NRXN3: variants seen among roughly 807,000 people sequenced by gnomAD.
NRXN3 encodes neurexin 3, also known as neurexin III.
In NRXN3, 32 loss-of-function variants were observed where a neutral mutation model predicts 137.6. That is an observed-to-expected ratio of 0.23 (90% CI 0.18 to 0.31). The LOEUF is 0.31. Ranked by LOEUF, NRXN3 falls within the 10% of genes least tolerant of loss-of-function variation. The probability of loss-of-function intolerance (pLI) is 1.00; values close to 1 mark genes in which losing one functional copy is unlikely to be tolerated. For missense variants in NRXN3, 1,574 were observed against 2,062.5 expected, an observed-to-expected ratio of 0.76 and a Z score of 4.59; for synonymous variants, 798 against 784.5, an observed-to-expected ratio of 1.02 and a Z score of -0.29.
At chr14:79,367,321 T>C (rs962468599) in intron 15 of NRXN3, among the ~76,000 whole-genome samples, 5 of 152,228 alleles carry the variant, frequency 3.3e-5, no homozygotes, top group Non-Finnish European at 5.9e-5. Context: ...TGTTTACGGA[T>C]TGACAACCAT....
intron 15 of NRXN3, among the ~76,000 whole-genome samples, chr14:79,124,780 G>T (rs2056102427): frequency 6.6e-6 from 1 of 152,098 alleles, no homozygotes; most frequent in African/African-American, 2.4e-5. Flanking sequence ...AGACTGCAGG[G>T]TATTAATCAA....
At chr14:78,843,021 C>A (rs564215928) in intron 10 of NRXN3, among the ~76,000 whole-genome samples, 50 of 152,034 alleles carry the variant, frequency 3.3e-4, no homozygotes, top group African/African-American at 1.1e-3. Context: ...GGTCCTGAGG[C>A]GACATACATC....
intron 6 of NRXN3, among the ~76,000 whole-genome samples, chr14:78,679,318 G>A (rs1401886713): frequency 6.6e-6 from 1 of 152,074 alleles, no homozygotes; most frequent in Non-Finnish European, 1.5e-5. Context: ...AGTCTTTGTG[G>A]ACCATATGGT....
chr14:79,357,186 A>G (rs920633727), intron 15 of NRXN3, among the ~76,000 whole-genome samples: 7 of 152,120 alleles, frequency 4.6e-5, no homozygotes, highest in Non-Finnish European at 7.3e-5. Flanking sequence ...GTATGAAGTA[A>G]TACAAGAGAC....
chr14:78,547,355 G>A (rs2096646358), intron 4 of NRXN3, among the ~76,000 whole-genome samples: 1 of 151,796 alleles, frequency 6.6e-6, no homozygotes, highest in Non-Finnish European at 1.5e-5. Flanking sequence ...ACAGGCGCCC[G>A]CTACCACATT....
intron 16 of NRXN3, among the ~76,000 whole-genome samples, chr14:79,549,142 A>G (rs1317197770): frequency 6.6e-6 from 1 of 152,102 alleles, no homozygotes; most frequent in Non-Finnish European, 1.5e-5. Context: ...TGGGTCATTT[A>G]TCTGTGAGCT....
intron 4 of NRXN3, among the ~76,000 whole-genome samples, chr14:78,558,837 C>T (rs1304170954): frequency 6.6e-6 from 1 of 152,198 alleles, no homozygotes; most frequent in Admixed American, 6.5e-5. Flanking sequence ...TTTGTACTGG[C>T]ACTGTGCTAA....
chr14:79,569,281 T>A (rs566783234), intron 16 of NRXN3, among the ~76,000 whole-genome samples: 6 of 152,072 alleles, frequency 3.9e-5, no homozygotes, highest in Non-Finnish European at 7.4e-5. Flanking sequence ...AGGCTGAGTG[T>A]CTTTGTGGCT....
intron 8 of NRXN3, among the ~76,000 whole-genome samples, chr14:78,778,859 C>CTCAT (rs1476951397): frequency 9.8e-5 from 14 of 142,664 alleles, no homozygotes; most frequent in Non-Finnish European, 2.1e-4. Flanking sequence ...CTTATTTTCT[C>CTCAT]TCATTCAAGC....
At chr14:79,237,675 A>T (rs2073629745) in intron 15 of NRXN3, among the ~76,000 whole-genome samples, 1 of 152,112 alleles carries the variant, frequency 6.6e-6, no homozygotes, top group South Asian at 2.1e-4. Flanking sequence ...GTGTTAAGAG[A>T]TGGGGAAGCA....
chr14:79,279,390 ACCTGTGCCTC>A (rs2080869297), intron 15 of NRXN3: 1 of 985,548 alleles, frequency 1.0e-6, no homozygotes, highest in African/African-American at 1.8e-5. Context: ...GCTTCACTTC[ACCTGTGCCTC>A]CCTGGTCCGC....
At chr14:79,145,472 G>C (rs561808877) in intron 15 of NRXN3, among the ~76,000 whole-genome samples, 72 of 152,198 alleles carry the variant, frequency 4.7e-4, no homozygotes, top group African/African-American at 1.7e-3. Context: ...GTGACAGACT[G>C]TTATAAATGT....
intron 19 of NRXN3, among the ~76,000 whole-genome samples, chr14:79,715,143 T>C (rs897590359): frequency 2.6e-5 from 4 of 152,050 alleles, no homozygotes; most frequent in Non-Finnish European, 4.4e-5. Context: ...TTAGTAGAGA[T>C]GGGGTTTCAC....
chr14:79,589,478 G>C (rs145247517), intron 16 of NRXN3, among the ~76,000 whole-genome samples: 2 of 127,846 alleles, frequency 1.6e-5, no homozygotes, highest in African/African-American at 6.1e-5. Flanking sequence ...CCACAATATT[G>C]TTTCTTTTAG....
At chr14:78,278,320 A>G (rs766450863) in intron 2 of NRXN3, among the ~76,000 whole-genome samples, 1 of 152,090 alleles carries the variant, frequency 6.6e-6, no homozygotes, top group Non-Finnish European at 1.5e-5. Flanking sequence ...ATTTTAACCA[A>G]TATTCTTGCA....
chr14:78,677,051 A>G (rs2098015544), intron 6 of NRXN3, among the ~76,000 whole-genome samples: 1 of 152,206 alleles, frequency 6.6e-6, no homozygotes, highest in African/African-American at 2.4e-5. Flanking sequence ...GAGCTTTGAT[A>G]AAAATGTTCA....
intron 4 of NRXN3, among the ~76,000 whole-genome samples, chr14:78,561,723 C>A (rs1163247467): frequency 6.6e-6 from 1 of 152,224 alleles, no homozygotes; most frequent in Non-Finnish European, 1.5e-5. Context: ...CTCTTAAATT[C>A]AGCACTCAGT....
intron 4 of NRXN3, among the ~76,000 whole-genome samples, chr14:78,561,406 A>C (rs1024407633): frequency 6.6e-6 from 1 of 152,210 alleles, no homozygotes; most frequent in African/African-American, 2.4e-5. Flanking sequence ...GATAGATCTC[A>C]GAAAATTACA....
At chr14:78,859,324 C>G (rs889859926) in intron 10 of NRXN3, among the ~76,000 whole-genome samples, 1 of 151,988 alleles carries the variant, frequency 6.6e-6, no homozygotes, top group African/African-American at 2.4e-5. Flanking sequence ...GAGAATGGAC[C>G]AACACTGGAT....
Sources: allele counts gnomAD v4.1 joint callset (sites outside exome capture counted in the v4.1 genomes callset), GRCh38; gene constraint gnomAD v4.1.1; transcripts MANE v1.5; gene names NCBI Gene and HGNC (gene_info 2026-07-23, HGNC 2026-07-21).